The following CFAP44 variants were observed in gnomAD, a reference collection of about 807,000 sequenced individuals.
CFAP44 encodes cilia and flagella associated protein 44.
A neutral mutation model predicts 216.2 loss-of-function variants in CFAP44; 134 were observed. That is an observed-to-expected ratio of 0.62 (90% CI 0.54 to 0.72). The LOEUF is 0.72. Ranked by LOEUF, CFAP44 falls within the 30% of genes least tolerant of loss-of-function variation. The pLI is 0.00. For missense variants in CFAP44, 2,035 were observed against 2,182.1 expected (o/e 0.93, Z 1.34); for synonymous variants, 700 against 727.6 (o/e 0.96, Z 0.61).
chr3:113,340,963 G>A (rs985122520), intron 24 of CFAP44, among the ~76,000 whole-genome samples: 1 of 152,208 alleles, frequency 6.6e-6, no homozygotes, highest in African/African-American at 2.4e-5. Context: ...GCCCCAGCCC[G>A]ACTGTCCCGC....
chr3:113,362,876 CT>C lies in CFAP44; in HGVS notation c.2934+268del, dbSNP rs376429241. The C allele has an allele frequency of 2.3e-4, 278 of 1,188,074 alleles. No homozygotes were observed. In the African/African-American group the frequency reaches 4.0e-3, roughly 17 times the overall value. The allele number at this position is 1,188,074 out of a possible 1,614,324, so 73.6% of individuals were successfully genotyped here. A position where few individuals can be genotyped will look rare whatever the true frequency, so the allele number is the denominator to read the frequency against. On this transcript the variant is annotated intron_variant, in intron 21 of 34. Coordinates refer to ENST00000393845, the MANE Select transcript of CFAP44 (RefSeq NM_001164496.2). Reference sequence around the variant, plus strand: ...AACTTAAAAGAACTCTTGGGTTCTACTTTATTTCTTCCCCATGTATTCCTTT... The same window carrying C: ...AACTTAAAAGAACTCTTGGGTTCTACTTATTTCTTCCCCATGTATTCCTTT...
chr3:113,403,835 G>A lies in CFAP44; in HGVS notation c.1170+17C>T. 6.2e-7 allele frequency: 1 copy of A among 1,608,526 alleles called. No homozygotes were observed. On this transcript the variant is annotated intron_variant, in intron 9 of 34. Transcript: ENST00000393845. ...CTTAAACGTGGGTGCTACCATCCAA[G>A]TATCGAGAAAACTTACCCTAACATA... is the stretch of plus-strand genomic sequence containing the variant.
At chr3:113,433,096 G>T (rs1470182191) in intron 2 of CFAP44, among the ~76,000 whole-genome samples, 1 of 151,642 alleles carries the variant, frequency 6.6e-6, no homozygotes, top group Non-Finnish European at 1.5e-5. Context: ...CATTTTTATG[G>T]AGCCCACCTT....
chr3:113,409,070 A>AT, intron 7 of CFAP44, 36 bp downstream of exon 7: 1 of 1,339,026 alleles, frequency 7.5e-7, no homozygotes, highest in East Asian at 2.5e-5. Context: ...TACTCCTGTG[A>AT]TATCTACTGG....
chr3:113,344,483 T>C (rs1559917737), intron 23 of CFAP44, 33 bp downstream of exon 23: 3 of 1,516,578 alleles, frequency 2.0e-6, no homozygotes, highest in Non-Finnish European at 1.8e-6. Flanking sequence ...TCTTAGTAAA[T>C]AAGAATTTAA....
intron 12 of CFAP44, 101 bp downstream of exon 12, chr3:113,400,444 G>T: frequency 1.9e-6 from 2 of 1,067,490 alleles, no homozygotes; most frequent in African/African-American, 1.6e-5. Context: ...TCCCCTTTTG[G>T]GAAAATCCCC....
chr3:113,398,982 T>C (rs6438143), intron 13 of CFAP44, among the ~76,000 whole-genome samples: 80,890 of 151,944 alleles, frequency 0.53, 22,769 homozygotes, highest in African/African-American at 0.71. Flanking sequence ...CCATAAAAGG[T>C]CATCAGCTTC....
intron 4 of CFAP44, among the ~76,000 whole-genome samples, chr3:113,420,565 TC>T (rs1934787699): frequency 6.6e-6 from 1 of 152,200 alleles, no homozygotes; most frequent in African/African-American, 2.4e-5. Flanking sequence ...AATTTTATTT[TC>T]CTCTCTCCCA....
intron 6 of CFAP44, among the ~76,000 whole-genome samples, chr3:113,413,064 T>C (rs1025125175): frequency 6.6e-6 from 1 of 152,210 alleles, no homozygotes; most frequent in Admixed American, 6.5e-5. Flanking sequence ...ATAATTGCCA[T>C]TCTGACTGGC....
intron 9 of CFAP44, among the ~76,000 whole-genome samples, chr3:113,402,203 T>C (rs1327159360): frequency 6.6e-6 from 1 of 152,218 alleles, no homozygotes. Context: ...AGAATATAGA[T>C]GTAGATAAAG....
chr3:113,339,681 C>T (rs1220943537), intron 24 of CFAP44, among the ~76,000 whole-genome samples: 1 of 152,096 alleles, frequency 6.6e-6, no homozygotes, highest in African/African-American at 2.4e-5. Context: ...AGGGCCTCAA[C>T]CTGAAGCTTG....
At chr3:113,305,202 C>T (rs1376019496) in intron 30 of CFAP44, 50 bp from the exon 31 acceptor site, 12 of 1,452,874 alleles carry the variant, frequency 8.3e-6, no homozygotes, top group Non-Finnish European at 1.0e-5. Flanking sequence ...AATAAACATA[C>T]ATCTAAAGAT....
intron 18 of CFAP44, among the ~76,000 whole-genome samples, chr3:113,369,174 C>T (rs149612822): frequency 4.6e-5 from 7 of 152,132 alleles, no homozygotes; most frequent in Non-Finnish European, 1.0e-4. Flanking sequence ...ATTAGATCAA[C>T]GAGACAGAAG....
chr3:113,407,179 T>C (rs1307071809), intron 7 of CFAP44, 138 bp from the exon 8 acceptor site: 1 of 723,534 alleles, frequency 1.4e-6, no homozygotes, highest in South Asian at 1.9e-5. Flanking sequence ...TAAGATTTAT[T>C]AAGTATCTAC....
chr3:113,327,876 A>C, intron 26 of CFAP44, 57 bp from the exon 27 acceptor site: 2 of 1,459,740 alleles, frequency 1.4e-6, no homozygotes, highest in Non-Finnish European at 1.8e-6. Context: ...TGCATTTTTA[A>C]ACTATCTAAC....
rs140218323 is a variant in CFAP44, at chr3:113,401,739, T to A, written c.1171A>T (p.Ile391Leu). ...ITVGSDGYVR[I>L]WDFETIDTAD... ...GTGTCTATTGTCTCAAAATCCCATA[T>A]CTTGTAAAATGAAAAGAAAATACTT... The change falls in exon 10 of 35, where the codon ATA becomes TTA. Residue 391 changes from isoleucine (I) to leucine (L), a missense_variant and splice_region_variant. Ile to Leu is a conservative substitution (Grantham distance 5). Coordinates refer to ENST00000393845, the MANE Select transcript of CFAP44 (RefSeq NM_001164496.2). 21 of 1,594,894 alleles carry A rather than the reference T, an allele frequency of 1.3e-5. No individual in the cohort carries two copies. The highest frequency in any genetic ancestry group is 1.4e-5 in the Non-Finnish European group (16 of 1,172,760).
At chr3:113,422,235 T>C (rs193042520) in intron 4 of CFAP44, among the ~76,000 whole-genome samples, 10 of 152,310 alleles carry the variant, frequency 6.6e-5, no homozygotes, top group Admixed American at 2.6e-4. Flanking sequence ...TGAAGGATCA[T>C]TGGAGGAATT....
At chr3:113,348,486 C>T (rs983086431) in intron 22 of CFAP44, among the ~76,000 whole-genome samples, 1 of 152,186 alleles carries the variant, frequency 6.6e-6, no homozygotes, top group Non-Finnish European at 1.5e-5. Context: ...AATACCTTAT[C>T]TCCAAGCTTT....
chr3:113,295,489 A>G (rs901566814), intron 33 of CFAP44, among the ~76,000 whole-genome samples: 4 of 152,226 alleles, frequency 2.6e-5, no homozygotes, highest in African/African-American at 9.7e-5. Flanking sequence ...TGACATGAAC[A>G]CTATTTGCTT....
Sources: allele counts gnomAD v4.1 joint callset (sites outside exome capture counted in the v4.1 genomes callset), GRCh38; gene constraint gnomAD v4.1.1; transcripts MANE v1.5; gene names NCBI Gene and HGNC (gene_info 2026-07-23, HGNC 2026-07-21).